CSNK2A2IP: variants seen among roughly 807,000 people sequenced by gnomAD.
The protein encoded by CSNK2A2IP is casein kinase 2 subunit alpha' interacting protein.
the CSNK2A2IP span, among the ~76,000 whole-genome samples, chr3:88,446,763 T>C: frequency 6.6e-6 from 1 of 152,322 alleles, no homozygotes; most frequent in African/African-American, 2.4e-5. Flanking sequence ...TATACACACA[T>C]TCGCACACAT....
At chr3:88,371,504 A>G in the CSNK2A2IP span, among the ~76,000 whole-genome samples, 1 of 151,816 alleles carries the variant, frequency 6.6e-6, no homozygotes, top group Non-Finnish European at 1.5e-5. Flanking sequence ...TATCCAACAC[A>G]AAGGGCAGAA....
At chr3:88,371,633 T>G in the CSNK2A2IP span, among the ~76,000 whole-genome samples, 1 of 151,628 alleles carries the variant, frequency 6.6e-6, no homozygotes, top group African/African-American at 2.4e-5. Context: ...GACAGAAAAA[T>G]ATTTCCAGAG....
At chr3:88,396,586 G>C in the CSNK2A2IP span, among the ~76,000 whole-genome samples, 1 of 152,158 alleles carries the variant, frequency 6.6e-6, no homozygotes, top group Non-Finnish European at 1.5e-5. Flanking sequence ...CCTGTGGTGG[G>C]AGGAAACACA....
chr3:88,445,879 T>TTCTTTCTTTCTTTC, the CSNK2A2IP span, among the ~76,000 whole-genome samples: 1 of 151,780 alleles, frequency 6.6e-6, no homozygotes. Context: ...TTTTAATGGT[T>TTCTTTCTTTCTTTC]TCTTTCTTTC....
chr3:88,432,275 T>A, the CSNK2A2IP span, among the ~76,000 whole-genome samples: 1 of 151,948 alleles, frequency 6.6e-6, no homozygotes, highest in Non-Finnish European at 1.5e-5. Context: ...TAAACAGTTA[T>A]CTAAGTTTCA....
chr3:88,376,994 T>C, the CSNK2A2IP span, among the ~76,000 whole-genome samples: 6 of 151,804 alleles, frequency 4.0e-5, no homozygotes, highest in Non-Finnish European at 7.4e-5. Context: ...TCAATCATTG[T>C]CTCAGTTTCC....
chr3:88,345,823 A>G, the CSNK2A2IP span, among the ~76,000 whole-genome samples: 9 of 152,006 alleles, frequency 5.9e-5, no homozygotes, highest in South Asian at 2.1e-4. Flanking sequence ...AAATGAAAGG[A>G]AGAGCTGCAC....
chr3:88,406,567 A>G, the CSNK2A2IP span, among the ~76,000 whole-genome samples: 1 of 152,162 alleles, frequency 6.6e-6, no homozygotes, highest in Non-Finnish European at 1.5e-5. Flanking sequence ...CTTTGTTCCT[A>G]TTTCAGCTAA....
the CSNK2A2IP span, among the ~76,000 whole-genome samples, chr3:88,444,663 A>C: frequency 1.3e-5 from 2 of 152,212 alleles, no homozygotes; most frequent in African/African-American, 2.4e-5. Context: ...GAAAATCTGC[A>C]TTACTGAAAT....
chr3:88,389,172 G>T, the CSNK2A2IP span, among the ~76,000 whole-genome samples: 1 of 151,796 alleles, frequency 6.6e-6, no homozygotes, highest in South Asian at 2.1e-4. Flanking sequence ...GAGTAATTGG[G>T]TAAAGCTACA....
chr3:88,404,967 G>C, the CSNK2A2IP span, among the ~76,000 whole-genome samples: 4 of 152,174 alleles, frequency 2.6e-5, no homozygotes. Context: ...TATCTGATCA[G>C]GCTCTTCATC....
At chr3:88,349,031 C>T in the CSNK2A2IP span, among the ~76,000 whole-genome samples, 1 of 151,978 alleles carries the variant, frequency 6.6e-6, no homozygotes, top group Non-Finnish European at 1.5e-5. Context: ...TTCTTCAAAC[C>T]CAGATTACTG....
At chr3:88,357,950 T>C in the CSNK2A2IP span, among the ~76,000 whole-genome samples, 1 of 151,942 alleles carries the variant, frequency 6.6e-6, no homozygotes, top group Non-Finnish European at 1.5e-5. Context: ...TAGATTCAAA[T>C]TCCTAAGCTC....
At chr3:88,418,690 C>A in the CSNK2A2IP span, among the ~76,000 whole-genome samples, 3 of 151,978 alleles carry the variant, frequency 2.0e-5, no homozygotes, top group Non-Finnish European at 4.4e-5. Flanking sequence ...GGTACATGTG[C>A]AGGTTTGTCA....
At chr3:88,448,472 A>G in the CSNK2A2IP span, among the ~76,000 whole-genome samples, 1 of 152,212 alleles carries the variant, frequency 6.6e-6, no homozygotes, top group Non-Finnish European at 1.5e-5. Context: ...TTGCTCTATC[A>G]AGAGACAAGT....
the CSNK2A2IP span, among the ~76,000 whole-genome samples, chr3:88,396,091 G>C: frequency 6.7e-6 from 1 of 149,950 alleles, no homozygotes; most frequent in Non-Finnish European, 1.5e-5. Flanking sequence ...CAATAAAAGA[G>C]GACTACCTAC....
At chr3:88,356,389 T>C in the CSNK2A2IP span, among the ~76,000 whole-genome samples, 1 of 152,172 alleles carries the variant, frequency 6.6e-6, no homozygotes, top group Non-Finnish European at 1.5e-5. Context: ...CTTAGCATAA[T>C]GACCTCTAGT....
the CSNK2A2IP span, among the ~76,000 whole-genome samples, chr3:88,366,683 C>A: frequency 6.6e-6 from 1 of 151,774 alleles, no homozygotes; most frequent in African/African-American, 2.4e-5. Flanking sequence ...AGGGGGAAGG[C>A]AAGGCAAAGT....
At chr3:88,445,516 T>C in the CSNK2A2IP span, among the ~76,000 whole-genome samples, 3 of 152,118 alleles carry the variant, frequency 2.0e-5, no homozygotes, top group African/African-American at 7.2e-5. Context: ...AAGGGGCAAA[T>C]GCATTTGCAG....
Sources: gnomAD v4.1 joint callset for allele counts (sites outside exome capture counted in the v4.1 genomes callset) on GRCh38, gnomAD v4.1.1 for gene constraint, MANE v1.5 for transcripts, NCBI Gene and HGNC (gene_info 2026-07-23, HGNC 2026-07-21) for gene names.